The following KTN1 variants were observed in gnomAD, a reference collection of about 807,000 sequenced individuals.
The protein encoded by KTN1 is kinectin.
KTN1 carries 130 observed loss-of-function variants against 222.5 expected under a neutral mutation model. The ratio of observed to expected loss-of-function variants is 0.58; its 90% CI spans 0.51 to 0.68. The LOEUF is 0.68. Among genes scored for constraint, KTN1 ranks in the 30% least tolerant of loss-of-function variants. The pLI, the probability that KTN1 is intolerant of heterozygous loss-of-function variation, is 0.00. For missense variants in KTN1, 1,508 were observed against 1,500.4 expected, an observed-to-expected ratio of 1.01 and a Z score of -0.08; for synonymous variants, 512 against 496.3, an observed-to-expected ratio of 1.03 and a Z score of -0.42.
At chr14:55,614,231 A>G (rs1445147392) in intron 2 of KTN1, among the ~76,000 whole-genome samples, 1 of 152,140 alleles carries the variant, frequency 6.6e-6, no homozygotes, top group South Asian at 2.1e-4. Flanking sequence ...ACATGGTCAT[A>G]TTTCTGTTTT....
chr14:55,660,714 GA>G lies in KTN1; in HGVS notation c.3000-807del, dbSNP rs567123800. 1.2e-3 allele frequency among the ~76,000 whole-genome samples: 183 copies of G among 152,248 alleles called. 1 individual carries two copies. The highest frequency in any genetic ancestry group is 4.2e-3 in the African/African-American group (176 of 41,552). ...GGCAAATATTTTCTGTAAAGGCCCTGATAGCATTTTAGGCCTGTGGGACCCA... is the reference window on the plus strand; with the variant it reads ...GGCAAATATTTTCTGTAAAGGCCCTGTAGCATTTTAGGCCTGTGGGACCCA... On this transcript the variant is annotated intron_variant, in intron 31 of 43. Coordinates refer to ENST00000395314, the MANE Select transcript of KTN1 (RefSeq NM_001079521.2).
At chr14:55,626,679 T>C (rs1007927854) in intron 5 of KTN1, among the ~76,000 whole-genome samples, 1 of 152,178 alleles carries the variant, frequency 6.6e-6, no homozygotes, top group African/African-American at 2.4e-5. Flanking sequence ...CTTGGTGTTG[T>C]TGAAGGGTCA....
chr14:55,635,056 G>C (rs2040965081), intron 9 of KTN1, among the ~76,000 whole-genome samples: 1 of 152,080 alleles, frequency 6.6e-6, no homozygotes, highest in Non-Finnish European at 1.5e-5. Context: ...TTTGGGTGGG[G>C]ACACAATGCC....
chr14:55,659,610 G>A (rs1390908833), intron 30 of KTN1, 56 bp from the exon 31 acceptor site: 4 of 1,047,338 alleles, frequency 3.8e-6, no homozygotes, highest in African/African-American at 1.6e-5. Flanking sequence ...AAGCTTCAAT[G>A]TTTTTAAGTC....
chr14:55,621,408 G>A (rs953338410), intron 5 of KTN1, among the ~76,000 whole-genome samples: 9 of 152,008 alleles, frequency 5.9e-5, no homozygotes, highest in East Asian at 1.9e-4. Context: ...CTATTTTCAC[G>A]TTGCTGATAA....
chr14:55,608,624 C>CTT (rs575646665), intron 1 of KTN1, among the ~76,000 whole-genome samples: 11 of 138,970 alleles, frequency 7.9e-5, no homozygotes, highest in Admixed American at 1.4e-4. Context: ...TTGCTGTGAA[C>CTT]TTTTTTTTTT....
In KTN1 at chr14:55,612,334, C is replaced by G; in HGVS notation, c.286C>G (p.Gln96Glu). The G allele has an allele frequency of 1.2e-6, 2 of 1,614,060 alleles. No individual in the cohort carries two copies. Among genetic ancestry groups the G allele is most frequent in the Middle Eastern group, 1.6e-4 (1 of 6,062 alleles). Residue 96 changes from glutamine (Q) to glutamate (E), a missense_variant, in exon 2 of 44, where the codon CAA (glutamine) becomes GAA (glutamate). By Grantham distance (29) the Gln-to-Glu change is conservative (BLOSUM62 2). Transcript: ENST00000395314. ...AGATGCTTTGGCAGTAGAAGATGAT[C>G]AAGTTGCACCTGTTCCATTGAATGT... ...LSDALAVEDD[Q>E]VAPVPLNVVE...
At chr14:55,660,389 GT>G (rs34898734) in intron 31 of KTN1, among the ~76,000 whole-genome samples, 10,512 of 121,632 alleles carry the variant, frequency 0.086, 396 homozygotes, top group Middle Eastern at 0.095. Flanking sequence ...TTCTTAAGGA[GT>G]TTTTTTTTTT....
At chr14:55,669,991 C>T (rs1343095775) in intron 34 of KTN1, among the ~76,000 whole-genome samples, 2 of 151,858 alleles carry the variant, frequency 1.3e-5, no homozygotes, top group Non-Finnish European at 2.9e-5. Flanking sequence ...CACACAGATA[C>T]ACTTTATCAA....
Position 55,618,072 on chromosome 14 carries a change from C to T in KTN1, c.770C>T (p.Pro257Leu), listed in dbSNP as rs200175290. The change falls in exon 4 of 44, where the codon CCT (proline) becomes CTT (leucine). Residue 257 changes from proline to leucine, a missense_variant. Transcript: ENST00000395314. ...DKREVIDLLK[P>L]DQVEGIQKSG... Reference sequence around the variant, plus strand: ...AGAGAGGTTATTGATTTGCTTAAACCTGACCAAGTAGAAGGGATCCAGAAA... The same window carrying T: ...AGAGAGGTTATTGATTTGCTTAAACTTGACCAAGTAGAAGGGATCCAGAAA... 47 of 1,612,978 alleles carry T rather than the reference C, an allele frequency of 2.9e-5. No individual in the cohort carries two copies. Among genetic ancestry groups the T allele is most frequent in the Non-Finnish European group, 3.7e-5 (44 of 1,179,444 alleles).
Position 55,630,020 on chromosome 14 carries a change from A to G in KTN1, c.1144A>G (p.Thr382Ala), listed in dbSNP as rs77212403. Residue 382 changes from threonine to alanine, a missense_variant, in exon 7 of 44, where the codon ACA (threonine) becomes GCA (alanine). Transcript: ENST00000395314. Reference sequence around the variant, plus strand: ...AACAAGGATGAAAGATCGAATTGGAACATTAGAAAAGGAACATAATGTATT... The same window carrying G: ...AACAAGGATGAAAGATCGAATTGGAGCATTAGAAAAGGAACATAATGTATT... ...VITRMKDRIG[T>A]LEKEHNVFQN... 10 of 1,601,808 alleles carry G rather than the reference A, an allele frequency of 6.2e-6. No homozygotes were observed. The African/African-American group carries it at 1.3e-4, about 21-fold the overall frequency.
intron 13 of KTN1, 53 bp from the exon 14 acceptor site, chr14:55,639,860 G>T: frequency 1.7e-6 from 2 of 1,148,044 alleles, no homozygotes; most frequent in South Asian, 2.6e-5. Flanking sequence ...AAATCCTTTT[G>T]ATTTGTGACT....
At position 55,658,753 on chromosome 14, in the gene KTN1, A is replaced by G. The variant is rs191673688; in HGVS notation, c.2961+139A>G. The G allele has an allele frequency of 4.2e-5, 25 of 595,232 alleles. No homozygotes were observed. The East Asian group carries it at 6.5e-4, about 15-fold the overall frequency. The allele number at this position is 595,232 out of a possible 1,614,324, so 36.9% of individuals were successfully genotyped here. On this transcript the variant is annotated intron_variant, in intron 30 of 43. Coordinates refer to ENST00000395314, the MANE Select transcript of KTN1 (RefSeq NM_001079521.2). ...TATTTATGTTTATCAAATTTTATAT[A>G]AAAGAAAGCAACTTGCTATGTCATA...
At chr14:55,670,364 G>C (rs2296183) in intron 34 of KTN1, among the ~76,000 whole-genome samples, 2 of 151,746 alleles carry the variant, frequency 1.3e-5, no homozygotes, top group East Asian at 3.9e-4. Context: ...TGAAAAATTA[G>C]TCTGGGTTTT....
chr14:55,653,911 T>C (rs1462252635), intron 28 of KTN1, among the ~76,000 whole-genome samples: 5 of 152,206 alleles, frequency 3.3e-5, no homozygotes, highest in Non-Finnish European at 4.4e-5. Flanking sequence ...ATTAAACTTA[T>C]TTCAAATGAA....
chr14:55,669,273 T>A (rs2045215281), intron 34 of KTN1, among the ~76,000 whole-genome samples: 1 of 152,070 alleles, frequency 6.6e-6, no homozygotes, highest in East Asian at 1.9e-4. Flanking sequence ...ACCAGATCTT[T>A]TTGACACTAG....
intron 43 of KTN1, chr14:55,680,672 T>C: frequency 1.5e-6 from 2 of 1,362,480 alleles, no homozygotes; most frequent in South Asian, 2.3e-5. Context: ...CAGGAGCGTT[T>C]TGTCTCACTT....
At chr14:55,665,053 G>A (rs1396821615) in intron 33 of KTN1, among the ~76,000 whole-genome samples, 1 of 150,576 alleles carries the variant, frequency 6.6e-6, no homozygotes, top group Non-Finnish European at 1.5e-5. Flanking sequence ...TAGTGGATTT[G>A]TATTTAACTA....
intron 1 of KTN1, among the ~76,000 whole-genome samples, chr14:55,582,082 T>A (rs2031801431): frequency 6.6e-6 from 1 of 152,174 alleles, no homozygotes; most frequent in Non-Finnish European, 1.5e-5. Context: ...CTTGATTTAC[T>A]TGAGGCTGAT....
Sources: allele counts gnomAD v4.1 joint callset (sites outside exome capture counted in the v4.1 genomes callset), GRCh38; gene constraint gnomAD v4.1.1; transcripts MANE v1.5; gene names NCBI Gene and HGNC (gene_info 2026-07-23, HGNC 2026-07-21).